The following NLN variants were observed in gnomAD, a reference collection of about 807,000 sequenced individuals.
NLN encodes neurolysin, mitochondrial.
A neutral mutation model predicts 79.9 loss-of-function variants in NLN; 64 were observed. That is an observed-to-expected ratio of 0.80 (90% CI 0.65 to 0.99). The LOEUF is 0.99. Among genes scored for constraint, NLN ranks in the 50% least tolerant of loss-of-function variants. NLN has a pLI of 0.00. For missense variants in NLN, 835 were observed against 858.7 expected (o/e 0.97, Z 0.34); for synonymous variants, 267 against 296.6 (o/e 0.90, Z 1.02).
intron 1 of NLN, among the ~76,000 whole-genome samples, chr5:65,751,253 T>C (rs1391365124): frequency 6.6e-6 from 1 of 152,142 alleles, no homozygotes; most frequent in Non-Finnish European, 1.5e-5. Context: ...AAATGTAAAT[T>C]GGTAGGAGGT....
chr5:65,755,557 C>A (rs1759199298), intron 1 of NLN, among the ~76,000 whole-genome samples: 1 of 152,094 alleles, frequency 6.6e-6, no homozygotes, highest in South Asian at 2.1e-4. Flanking sequence ...TTTCTGAAAC[C>A]TTTTACCTAT....
At chr5:65,801,809 A>G (rs1277770882) in intron 9 of NLN, among the ~76,000 whole-genome samples, 1 of 72,232 alleles carries the variant, frequency 1.4e-5, no homozygotes, top group Non-Finnish European at 2.8e-5. Flanking sequence ...ATGAATTATC[A>G]TTTGTGTATT....
intron 2 of NLN, among the ~76,000 whole-genome samples, chr5:65,761,868 G>A (rs1030371878): frequency 6.6e-6 from 1 of 152,120 alleles, no homozygotes; most frequent in African/African-American, 2.4e-5. Context: ...ATTTCTTGCT[G>A]TATAAAGGAT....
In NLN at chr5:65,801,409, T is replaced by A. The variant is rs571888274; in HGVS notation, c.1528-8106T>A. On this transcript the variant is annotated intron_variant, in intron 9 of 12. Coordinates refer to ENST00000380985, the MANE Select transcript of NLN (RefSeq NM_020726.5). ...ATCCATTAGGCTGCTAGATTGTGAG[T>A]CTTACCCATGGTTTCTGTGTGGACA... 2.0e-5 allele frequency among the ~76,000 whole-genome samples: 3 copies of A among 152,330 alleles called. No homozygotes were observed. In the South Asian group the frequency reaches 6.2e-4, roughly 32 times the overall value.
chr5:65,771,679 C>T (rs551821380), intron 3 of NLN, among the ~76,000 whole-genome samples: 4 of 152,208 alleles, frequency 2.6e-5, no homozygotes, highest in South Asian at 4.2e-4. Context: ...TGTAATCTCT[C>T]CTACTTGACC....
chr5:65,791,683 A>G (rs1374122781), intron 8 of NLN, among the ~76,000 whole-genome samples: 1 of 151,980 alleles, frequency 6.6e-6, no homozygotes, highest in Non-Finnish European at 1.5e-5. Flanking sequence ...AGATCATGCC[A>G]CTGCACTCCA....
At chr5:65,815,305 A>G (rs938094806) in intron 12 of NLN, among the ~76,000 whole-genome samples, 4 of 152,228 alleles carry the variant, frequency 2.6e-5, no homozygotes, top group Admixed American at 6.5e-5. Context: ...TGCAAGTGTA[A>G]TAGAAGCAAT....
chr5:65,781,284 G>C lies in NLN; in HGVS notation c.685G>C (p.Asp229His), dbSNP rs1759794225. The C allele has an allele frequency of 3.7e-6, 6 of 1,607,640 alleles. No homozygotes were observed. Among genetic ancestry groups the C allele is most frequent in the Non-Finnish European group, 5.1e-6 (6 of 1,176,674 alleles). ...ELGALPDDFI[D>H]SLEKTDDDKY... ...AGGTGCTCTTCCTGATGATTTCATT[G>C]ACAGTTTAGAAAAGACAGATGATGA... Residue 229 changes from aspartate to histidine, a missense_variant, in exon 6 of 13, where the codon GAC becomes CAC. Transcript: ENST00000380985.
chr5:65,787,994 C>T lies in NLN; in HGVS notation c.959-124C>T, dbSNP rs1301466184. On this transcript the variant is annotated intron_variant, in intron 7 of 12. Transcript: ENST00000380985. ...GTTTTTCCTCCTCCTTTACCTCTTT[C>T]CGCCTTATTTATCTGTATTGAGTAC... is the stretch of plus-strand genomic sequence containing the variant. 6.5e-6 allele frequency: 6 copies of T among 918,910 alleles called. No homozygotes were observed. In the East Asian group the frequency reaches 1.5e-4, roughly 23 times the overall value. 56.9% of individuals were successfully genotyped at this position (918,910 alleles called of 1,614,324 possible). A position where few individuals can be genotyped will look rare whatever the true frequency, so the allele number is the denominator to read the frequency against.
intron 3 of NLN, among the ~76,000 whole-genome samples, chr5:65,775,099 G>T (rs1168263888): frequency 1.3e-5 from 2 of 152,066 alleles, no homozygotes; most frequent in African/African-American, 4.8e-5. Flanking sequence ...TTGCACCTGT[G>T]TCATTTATTT....
rs144422203 is a variant in NLN at position 65,783,008 on chromosome 5, C to G, written c.822+1587C>G. Among the ~76,000 whole-genome samples, 24 of 152,238 alleles carry G rather than the reference C, an allele frequency of 1.6e-4. No individual in the cohort carries two copies. In the East Asian group the frequency reaches 4.2e-3, roughly 27 times the overall value. Reference sequence around the variant, plus strand: ...TTTTCATTTTTATTGTTAGTACCACCCAATTTCTGGTATTAATCTCTACAT... The same window carrying G: ...TTTTCATTTTTATTGTTAGTACCACGCAATTTCTGGTATTAATCTCTACAT... On this transcript the variant is annotated intron_variant, in intron 6 of 12. Transcript: ENST00000380985.
At position 65,802,668 on chromosome 5, in the gene NLN, G is replaced by A. The variant is rs536772287; in HGVS notation, c.1528-6847G>A. On this transcript the variant is annotated intron_variant, in intron 9 of 12. Transcript: ENST00000380985. ...GGAGGTATACGAACAAGTGGAGGGT[G>A]AGCAAGGCAAAGAGGAGCTTTACTG... Among the ~76,000 whole-genome samples, 6 of 152,322 alleles carry A rather than the reference G, an allele frequency of 3.9e-5. No individual in the cohort carries two copies. The East Asian group carries it at 9.7e-4, about 25-fold the overall frequency.
intron 4 of NLN, 55 bp from the exon 5 acceptor site, chr5:65,780,124 C>CA: frequency 2.6e-6 from 2 of 775,762 alleles, no homozygotes; most frequent in Non-Finnish European, 4.5e-6. Context: ...CCGTGCCTGG[C>CA]AAAAAATGAG....
chr5:65,773,727 G>C (rs947089847), intron 3 of NLN, among the ~76,000 whole-genome samples: 11 of 152,110 alleles, frequency 7.2e-5, no homozygotes, highest in African/African-American at 2.4e-4. Flanking sequence ...TGGATCACTT[G>C]AGCTCAGGAG....
Position 65,809,655 on chromosome 5 carries a change from A to G in NLN, c.1668A>G (p.Ala556=), listed in dbSNP as rs1760499464. 3 of 1,612,548 alleles carry G rather than the reference A, an allele frequency of 1.9e-6. No individual in the cohort carries two copies. Among genetic ancestry groups the G allele is most frequent in the African/African-American group, 1.3e-5 (1 of 74,868 alleles). Residue 556 remains alanine, a synonymous_variant, in exon 10 of 13, where the codon GCA becomes GCG. Transcript: ENST00000380985. The part of the protein sequence containing the change: ...SKHYKDGSPI[A]DDLLEKLVAS... ...ATTATAAAGATGGAAGCCCTATTGC[A>G]GACGATCTGCTTGAAAAACTTGTTG... is the stretch of plus-strand genomic sequence containing the variant.
chr5:65,728,770 G>T (rs1758537761), intron 1 of NLN, among the ~76,000 whole-genome samples: 2 of 152,144 alleles, frequency 1.3e-5, no homozygotes, highest in Admixed American at 6.5e-5. Context: ...AAAGTTATTT[G>T]TTGTCTGATG....
intron 9 of NLN, among the ~76,000 whole-genome samples, chr5:65,803,341 C>G (rs1360825246): frequency 1.3e-5 from 2 of 152,204 alleles, no homozygotes; most frequent in Non-Finnish European, 2.9e-5. Flanking sequence ...CAGTTCCCCC[C>G]TCAGCTTCCC....
intron 1 of NLN, among the ~76,000 whole-genome samples, chr5:65,726,216 A>C (rs953940795): frequency 6.6e-6 from 1 of 152,174 alleles, no homozygotes; most frequent in Admixed American, 6.5e-5. Flanking sequence ...AATCCTCAGG[A>C]CAACCCTTAT....
intron 8 of NLN, among the ~76,000 whole-genome samples, chr5:65,792,221 C>A (rs1343444166): frequency 1.3e-5 from 2 of 152,118 alleles, no homozygotes; most frequent in Non-Finnish European, 2.9e-5. Flanking sequence ...ATTCTTACCT[C>A]GAGATTTTTC....
Sources: allele counts gnomAD v4.1 joint callset (sites outside exome capture counted in the v4.1 genomes callset), GRCh38; gene constraint gnomAD v4.1.1; transcripts MANE v1.5; gene names NCBI Gene and HGNC (gene_info 2026-07-23, HGNC 2026-07-21).